Variants in PDS5A observed in about 807,000 individuals in gnomAD.
PDS5A encodes sister chromatid cohesion protein PDS5 homolog A.
A neutral mutation model predicts 167.1 loss-of-function variants in PDS5A; 42 were observed. That is an observed-to-expected ratio of 0.25 (90% CI 0.20 to 0.33). The LOEUF (loss-of-function observed/expected upper bound fraction) is 0.33. PDS5A is among the 10% of genes least tolerant of loss of function. The probability of loss-of-function intolerance (pLI) is 1.00; values close to 1 mark genes in which losing one functional copy is unlikely to be tolerated. For synonymous variants in PDS5A, 553 were observed against 554.6 expected (o/e 1.00, Z 0.04); for missense variants, 1,033 against 1,605.9 (o/e 0.64, Z 6.10).
intron 2 of PDS5A, among the ~76,000 whole-genome samples, chr4:39,942,224 T>C (rs1276862067): frequency 6.6e-6 from 1 of 152,192 alleles, no homozygotes; most frequent in African/African-American, 2.4e-5. Flanking sequence ...TATAAAACAT[T>C]ATGTAATGTC....
rs551389198 is a variant in PDS5A at position 39,836,951 on chromosome 4, G to C, written c.4010+905C>G. On this transcript the variant is annotated intron_variant, in intron 32 of 32. Coordinates refer to ENST00000303538, the MANE Select transcript of PDS5A (RefSeq NM_001100399.2). ...AGCCTCCTGAGTAGCTGGGATTACAGGCATGCACCACCACACCTGGCTAAC... is the reference window on the plus strand; with the variant it reads ...AGCCTCCTGAGTAGCTGGGATTACACGCATGCACCACCACACCTGGCTAAC... The C allele has an allele frequency of 4.0e-5, 6 of 149,620 alleles. No homozygotes were observed. The South Asian group carries it at 1.3e-3, about 32-fold the overall frequency. 9.3% of individuals were successfully genotyped at this position (149,620 alleles called of 1,614,324 possible).
chr4:39,857,314 T>C (rs1718610413), intron 26 of PDS5A, among the ~76,000 whole-genome samples: 2 of 145,910 alleles, frequency 1.4e-5, no homozygotes, highest in African/African-American at 5.1e-5. Flanking sequence ...ATCGCGCCAC[T>C]GCATTCCAGC....
chr4:39,936,258 A>G (rs1403228563), intron 2 of PDS5A, among the ~76,000 whole-genome samples: 1 of 152,186 alleles, frequency 6.6e-6, no homozygotes, highest in Non-Finnish European at 1.5e-5. Context: ...ACCTTAGCGC[A>G]GAACCCCACA....
chr4:39,969,960 CTTTT>C (rs10593975), intron 2 of PDS5A, among the ~76,000 whole-genome samples: 9 of 143,004 alleles, frequency 6.3e-5, no homozygotes, highest in Non-Finnish European at 7.6e-5. Context: ...AATGTAGAAT[CTTTT>C]TTTTTTTTTT....
intron 29 of PDS5A, among the ~76,000 whole-genome samples, chr4:39,845,066 G>GGT (rs1227537390): frequency 1.6e-4 from 24 of 152,134 alleles, no homozygotes. Flanking sequence ...AAATTAGCCA[G>GGT]GTGTGGTGGT....
intron 8 of PDS5A, among the ~76,000 whole-genome samples, chr4:39,914,956 T>C (rs1006967790): frequency 2.6e-5 from 4 of 152,224 alleles, no homozygotes; most frequent in African/African-American, 9.6e-5. Flanking sequence ...ACAGGGGTTT[T>C]GTGGGTAAAA....
At chr4:39,837,006 T>TTTTTTTTTGTA (rs1716486584) in intron 32 of PDS5A, 1 of 141,258 alleles carries the variant, frequency 7.1e-6, no homozygotes, top group Non-Finnish European at 1.6e-5. Flanking sequence ...TTTTTTTTTT[T>TTTTTTTTTGTA]TTTTTAGTAG....
chr4:39,957,786 CAAAAAA>C (rs34253629), intron 2 of PDS5A, among the ~76,000 whole-genome samples: 1 of 87,792 alleles, frequency 1.1e-5, no homozygotes. Flanking sequence ...GACTCCATCT[CAAAAAA>C]AAAAAAAAAA....
At chr4:39,875,766 G>A (rs1720411643) in intron 19 of PDS5A, among the ~76,000 whole-genome samples, 1 of 152,108 alleles carries the variant, frequency 6.6e-6, no homozygotes, top group Admixed American at 6.5e-5. Context: ...TCTCCTATCT[G>A]TTTAGTCTTT....
chr4:39,853,068 AGCTGGG>A (rs1443051209), intron 26 of PDS5A, among the ~76,000 whole-genome samples: 1 of 152,184 alleles, frequency 6.6e-6, no homozygotes, highest in African/African-American at 2.4e-5. Context: ...GGGACTGAGT[AGCTGGG>A]ACTACAGGCA....
At chr4:39,924,752 A>G (rs984869091) in intron 5 of PDS5A, among the ~76,000 whole-genome samples, 2 of 152,218 alleles carry the variant, frequency 1.3e-5, no homozygotes, top group Non-Finnish European at 1.5e-5. Context: ...AACTTATGTG[A>G]GGTATGTTTG....
At chr4:39,867,151 A>T (rs970543138) in intron 22 of PDS5A, 154 bp from the exon 23 acceptor site, 2 of 578,668 alleles carry the variant, frequency 3.5e-6, no homozygotes, top group African/African-American at 3.7e-5. Context: ...ATACGAACTA[A>T]TATTTACTCT....
intron 20 of PDS5A, among the ~76,000 whole-genome samples, chr4:39,873,757 C>T (rs1720244006): frequency 6.6e-6 from 1 of 152,164 alleles, no homozygotes; most frequent in Non-Finnish European, 1.5e-5. Context: ...AACATAAACA[C>T]ATAAGGCTAG....
chr4:39,836,615 ATTTTTT>A (rs71645192), intron 32 of PDS5A, among the ~76,000 whole-genome samples: 30 of 106,122 alleles, frequency 2.8e-4, no homozygotes, highest in South Asian at 9.8e-4. Flanking sequence ...ATTTTTTTCT[ATTTTTT>A]TTTTTTTTTT....
chr4:39,896,888 C>T (rs1346380871), intron 16 of PDS5A, among the ~76,000 whole-genome samples: 1 of 150,992 alleles, frequency 6.6e-6, no homozygotes, highest in Admixed American at 6.6e-5. Flanking sequence ...AGGAATCCTT[C>T]AGTTCCGTTA....
intron 2 of PDS5A, among the ~76,000 whole-genome samples, chr4:39,959,282 G>A (rs145613363): frequency 2.5e-4 from 38 of 152,298 alleles, no homozygotes; most frequent in African/African-American, 9.1e-4. Flanking sequence ...AGTAGGAAGT[G>A]TTAAATGTTT....
At chr4:39,892,860 TA>T (rs1355521607) in intron 16 of PDS5A, among the ~76,000 whole-genome samples, 1 of 152,232 alleles carries the variant, frequency 6.6e-6, no homozygotes, top group Non-Finnish European at 1.5e-5. Context: ...TAAAGATGCC[TA>T]CTCTTTGTAA....
At chr4:39,879,661 T>C (rs1313806240) in intron 18 of PDS5A, 67 bp downstream of exon 18, 3 of 866,052 alleles carry the variant, frequency 3.5e-6, no homozygotes, top group Non-Finnish European at 5.9e-6. Context: ...GACTCTTGCA[T>C]ATCCTGAAGG....
chr4:39,923,946 T>C (rs1303129802), intron 5 of PDS5A, among the ~76,000 whole-genome samples: 1 of 152,170 alleles, frequency 6.6e-6, no homozygotes, highest in African/African-American at 2.4e-5. Flanking sequence ...TCATCTAAAA[T>C]GCTTTCAATA....
Sources: gnomAD v4.1 joint callset for allele counts (sites outside exome capture counted in the v4.1 genomes callset) on GRCh38, gnomAD v4.1.1 for gene constraint, MANE v1.5 for transcripts, NCBI Gene and HGNC (gene_info 2026-07-23, HGNC 2026-07-21) for gene names.